MMP24: variants seen among roughly 807,000 people sequenced by gnomAD.
MMP24 encodes the protein matrix metallopeptidase 24.
In MMP24, 25 loss-of-function variants were observed where a neutral mutation model predicts 62.8. That is an observed-to-expected ratio of 0.40 (90% confidence interval 0.29 to 0.56). The LOEUF is 0.56. MMP24 is among the 20% of genes least tolerant of loss of function. MMP24 has a pLI of 0.50. For missense variants in MMP24, 634 were observed against 853.6 expected, an observed-to-expected ratio of 0.74 and a Z score of 3.21; for synonymous variants, 319 against 350.5, an observed-to-expected ratio of 0.91 and a Z score of 1.00.
At chr20:35,266,504 C>T (rs913429356) in intron 5 of MMP24, among the ~76,000 whole-genome samples, 7 of 152,086 alleles carry the variant, frequency 4.6e-5, no homozygotes, top group African/African-American at 1.7e-4. Flanking sequence ...GAGAAGAGGA[C>T]CCAAGGGCAC....
At position 35,254,575 on chromosome 20, in the gene MMP24, G is replaced by T. The variant is rs773227093; in HGVS notation, c.638G>T (p.Ser213Ile). The change falls in exon 4 of 9, where the codon AGT becomes ATT. Residue 213 changes from serine (S) to isoleucine (I), a missense_variant. Physicochemically the swap from Ser to Ile is moderately radical, Grantham distance 142. Coordinates refer to ENST00000246186, the MANE Select transcript of MMP24 (RefSeq NM_006690.4). ...FEEVPYHEIK[S>I]DRKEADIMIF... is the part of the protein sequence containing the mutation. Reference sequence around the variant, plus strand: ...GAGGTGCCATACCATGAGATCAAAAGTGACCGGAAGGAGGCAGACATCATG... The same window carrying T: ...GAGGTGCCATACCATGAGATCAAAATTGACCGGAAGGAGGCAGACATCATG... 1 of 1,613,950 alleles carries T rather than the reference G, an allele frequency of 6.2e-7. No homozygotes were observed. Among genetic ancestry groups the T allele is most frequent in the South Asian group, 1.1e-5 (1 of 91,088 alleles).
In MMP24 at chr20:35,274,596, A is replaced by G; in HGVS notation, c.1925A>G (p.Gln642Arg). The G allele has an allele frequency of 6.2e-7, 1 of 1,611,438 alleles. No individual in the cohort carries two copies. ...GTCACCTACTATAAGCGGCCAGTCC[A>G]GGAATGGGTGTGAGCAGCCCAGAGC... is the stretch of plus-strand genomic sequence containing the variant. The part of the protein sequence containing the change: ...QPVTYYKRPV[Q>R]EWV Residue 642 changes from glutamine (Q) to arginine (R), a missense_variant, in exon 9 of 9, where the codon CAG becomes CGG. This residue lies in a region of MMP24 where 399 missense variants were observed against 530.8 expected (regional missense o/e 0.75). Coordinates refer to ENST00000246186, the MANE Select transcript of MMP24 (RefSeq NM_006690.4). This position sits in a 1 kb window ranked among gnomAD's most constrained non-coding sequence, Gnocchi z 5.1.
intron 3 of MMP24, among the ~76,000 whole-genome samples, chr20:35,253,441 T>G (rs1157099432): frequency 6.6e-6 from 1 of 151,930 alleles, no homozygotes; most frequent in Non-Finnish European, 1.5e-5. Context: ...AATAGACTCT[T>G]GGGTCTCTTG....
At chr20:35,250,285 C>T (rs1045951329) in intron 2 of MMP24, among the ~76,000 whole-genome samples, 2 of 152,100 alleles carry the variant, frequency 1.3e-5, no homozygotes, top group African/African-American at 4.8e-5. Flanking sequence ...ATGTGCTGGG[C>T]GCAGTGGCTC....
chr20:35,266,575 C>A (rs1307956923), intron 5 of MMP24, among the ~76,000 whole-genome samples: 2 of 152,014 alleles, frequency 1.3e-5, no homozygotes, highest in Admixed American at 1.3e-4. Context: ...TGAGAAAGAA[C>A]AGCCCATGAG....
intron 6 of MMP24, 75 bp downstream of exon 6, chr20:35,267,494 G>A: frequency 7.0e-7 from 1 of 1,419,254 alleles, no homozygotes; most frequent in Non-Finnish European, 9.6e-7. Context: ...TGGAGCTGGG[G>A]AAGGCTCCTG....
chr20:35,253,833 A>G (rs1437173828), intron 3 of MMP24, among the ~76,000 whole-genome samples: 1 of 152,054 alleles, frequency 6.6e-6, no homozygotes, highest in African/African-American at 2.4e-5. Context: ...AAAAAACTTA[A>G]AATTCAGAAA....
intron 8 of MMP24, among the ~76,000 whole-genome samples, chr20:35,272,876 G>A (rs1215333444): frequency 6.6e-6 from 1 of 152,094 alleles, no homozygotes; most frequent in Non-Finnish European, 1.5e-5. Context: ...GTTTTGTGAG[G>A]ATTAAAGAAG....
intron 8 of MMP24, among the ~76,000 whole-genome samples, chr20:35,272,616 G>C (rs1178885465): frequency 6.6e-6 from 1 of 152,178 alleles, no homozygotes; most frequent in African/African-American, 2.4e-5. Context: ...CAGACACTCA[G>C]CCTGTCTCCC....
In MMP24 at chr20:35,257,078, A is replaced by C. The variant is rs575507940; in HGVS notation, c.817+2324A>C. Among the ~76,000 whole-genome samples the C allele has an allele frequency of 7.2e-5, 11 of 152,162 alleles. No homozygotes were observed. In the South Asian group the frequency reaches 1.9e-3, roughly 26 times the overall value. On this transcript the variant is annotated intron_variant, in intron 4 of 8. Coordinates refer to ENST00000246186, the MANE Select transcript of MMP24 (RefSeq NM_006690.4). The stretch of plus-strand genomic sequence containing the variant: ...GACTCTCAAAGCTGGTTTGGTGTCT[A>C]TAGTTGGGGCCATGTTTGGTGTCTA...
chr20:35,267,177 C>G (rs1057426941), intron 5 of MMP24, 28 bp from the exon 6 acceptor site: 2 of 1,534,472 alleles, frequency 1.3e-6, no homozygotes, highest in African/African-American at 1.4e-5. Flanking sequence ...CGGCTGCCCC[C>G]TCTCTAAGAT....
In MMP24 at chr20:35,269,378, C is replaced by T. The variant is rs114044902; in HGVS notation, c.1195-382C>T. Among the ~76,000 whole-genome samples, 3 of 152,272 alleles carry T rather than the reference C, an allele frequency of 2.0e-5. No individual in the cohort carries two copies. The highest frequency in any genetic ancestry group is 3.4e-3 in the Middle Eastern group (1 of 294). ...TGGAGCCAGCCTCATGGAGGGCGCTCGGCCCAGGCTCAGTGACCACCCCAG... is the reference window on the plus strand; with the variant it reads ...TGGAGCCAGCCTCATGGAGGGCGCTTGGCCCAGGCTCAGTGACCACCCCAG... On this transcript the variant is annotated intron_variant, in intron 6 of 8. Coordinates refer to ENST00000246186, the MANE Select transcript of MMP24 (RefSeq NM_006690.4). This position sits in a 1 kb window ranked among gnomAD's most constrained non-coding sequence, Gnocchi z 4.6.
At chr20:35,265,555 TATTAA>T (rs1044720879) in intron 5 of MMP24, among the ~76,000 whole-genome samples, 1 of 152,148 alleles carries the variant, frequency 6.6e-6, no homozygotes, top group Non-Finnish European at 1.5e-5. Context: ...AATAAACTAG[TATTAA>T]ATTTCATAGT....
chr20:35,244,304 A>G (rs2060502506), intron 1 of MMP24, among the ~76,000 whole-genome samples: 1 of 150,608 alleles, frequency 6.6e-6, no homozygotes, highest in Non-Finnish European at 1.5e-5. Context: ...CGAGCCCAGC[A>G]TGTAGCTCCT....
chr20:35,254,972 T>C (rs1275115345), intron 4 of MMP24, among the ~76,000 whole-genome samples: 1 of 152,062 alleles, frequency 6.6e-6, no homozygotes, highest in East Asian at 1.9e-4. Context: ...GATAGTCCGG[T>C]TGGCAGGAGA....
At chr20:35,249,559 T>C (rs1014476967) in intron 2 of MMP24, among the ~76,000 whole-genome samples, 3 of 152,238 alleles carry the variant, frequency 2.0e-5, no homozygotes, top group Non-Finnish European at 4.4e-5. Context: ...CTGTGGATTG[T>C]TTCCCTCATC....
At chr20:35,266,705 C>G (rs770205580) in intron 5 of MMP24, among the ~76,000 whole-genome samples, 2 of 152,192 alleles carry the variant, frequency 1.3e-5, no homozygotes, top group Admixed American at 1.3e-4. Flanking sequence ...AATGCAAACT[C>G]TCAGGCCCCA....
At chr20:35,259,050 A>G (rs898484230) in intron 4 of MMP24, among the ~76,000 whole-genome samples, 2 of 152,058 alleles carry the variant, frequency 1.3e-5, no homozygotes, top group African/African-American at 2.4e-5. Context: ...GTGTGGTGGC[A>G]CATGCCTGTA....
At position 35,274,876 on chromosome 20, in the gene MMP24, C is replaced by T. The variant is rs2146248540; in HGVS notation, c.*267C>T. On this transcript the variant is annotated 3_prime_UTR_variant, in exon 9 of 9. Coordinates refer to ENST00000246186, the MANE Select transcript of MMP24 (RefSeq NM_006690.4). This position sits in a 1 kb window ranked among gnomAD's most constrained non-coding sequence, Gnocchi z 5.1. The stretch of plus-strand genomic sequence containing the variant: ...CTACTTAAGGGAATAGGCCAGGCTC[C>T]ATCCGGAGGCAGGGACCATGCCAGG... 2.1e-6 allele frequency: 1 copy of T among 478,124 alleles called. No homozygotes were observed. The highest frequency in any genetic ancestry group is 3.7e-5 in the East Asian group (1 of 26,778). The allele number at this position is 478,124 out of a possible 1,614,324, so 29.6% of individuals were successfully genotyped here. A position where few individuals can be genotyped will look rare whatever the true frequency, so the allele number is the denominator to read the frequency against.
Sources: gnomAD v4.1 joint callset for allele counts (sites outside exome capture counted in the v4.1 genomes callset) on GRCh38, gnomAD v4.1.1 for gene constraint, gnomAD v4.1.1 regional missense constraint, Gnocchi (gnomAD v3.1) non-coding constraint, MANE v1.5 for transcripts, NCBI Gene and HGNC (gene_info 2026-07-23, HGNC 2026-07-21) for gene names.